The following DHX32 variants were observed in gnomAD, a reference collection of about 807,000 sequenced individuals.
DHX32 encodes putative pre-mRNA-splicing factor ATP-dependent RNA helicase DHX32.
DHX32 carries 51 observed loss-of-function variants against 70.0 expected under a neutral mutation model. That is an observed-to-expected ratio of 0.73 (90% CI 0.58 to 0.92). The LOEUF (loss-of-function observed/expected upper bound fraction) is 0.92, where lower values mean the gene tolerates loss of function less well. DHX32 is among the 40% of genes least tolerant of loss of function. The pLI, the probability that DHX32 is intolerant of heterozygous loss-of-function variation, is 0.00. For synonymous variants in DHX32, 310 were observed against 315.3 expected, an observed-to-expected ratio of 0.98 and a Z score of 0.18; for missense variants, 762 against 891.8, an observed-to-expected ratio of 0.85 and a Z score of 1.85.
At chr10:125,852,046 C>T (rs961129647) in intron 6 of DHX32, among the ~76,000 whole-genome samples, 5 of 152,198 alleles carry the variant, frequency 3.3e-5, no homozygotes, top group African/African-American at 7.2e-5. Flanking sequence ...CCCAGTTCCC[C>T]TGTGCTGCAG....
intron 3 of DHX32, among the ~76,000 whole-genome samples, chr10:125,857,874 T>C (rs1409112834): frequency 7.2e-6 from 1 of 138,912 alleles, no homozygotes; most frequent in Non-Finnish European, 1.6e-5. Flanking sequence ...GAAATGTATA[T>C]CCTGGTTTTT....
chr10:125,882,074 G>T (rs1212784643), upstream of DHX32, among the ~76,000 whole-genome samples: 1 of 152,188 alleles, frequency 6.6e-6, no homozygotes, highest in Non-Finnish European at 1.5e-5. Flanking sequence ...TAATTTAAAT[G>T]AAGAAGAGAA....
In DHX32 at chr10:125,878,147, G is replaced by GA. The variant is rs528248713; in HGVS notation, c.282+2395dup. ...TTAACTATCTAATGTTGGGGCTCAG[G>GA]ACATACCTCCCCAGAATATGACTGA... On this transcript the variant is annotated intron_variant, in intron 1 of 10. Transcript: ENST00000284690. 4.3e-3 allele frequency among the ~76,000 whole-genome samples: 654 copies of GA among 152,256 alleles called. 2 individuals are homozygous for GA. Among genetic ancestry groups the GA allele is most frequent in the Middle Eastern group, 0.01 (3 of 294 alleles).
rs778322541 is a variant in DHX32 at position 125,839,206 on chromosome 10, CA to C, written c.1694-19del. On this transcript the variant is annotated intron_variant, in intron 8 of 10. Coordinates refer to ENST00000284690, the MANE Select transcript of DHX32 (RefSeq NM_018180.3). ...CACACAGTCTAGGAGGGAAAGAACA[CA>C]AGGCTATTTAGAAATGATTTGTCAG... The C allele has an allele frequency of 6.2e-6, 10 of 1,610,082 alleles. No homozygotes were observed. The highest frequency in any genetic ancestry group is 8.5e-6 in the Non-Finnish European group (10 of 1,177,210).
chr10:125,889,952 C>A (rs1280599650), intron 1 of DHX32, among the ~76,000 whole-genome samples: 5 of 152,102 alleles, frequency 3.3e-5, no homozygotes, highest in Non-Finnish European at 4.4e-5. Flanking sequence ...TGTGGTAGAG[C>A]AGGTGCTTAA....
chr10:125,880,932 T>C lies in DHX32; in HGVS notation c.-108A>G. 1 of 1,316,542 alleles carries C rather than the reference T, an allele frequency of 7.6e-7. No homozygotes were observed. 81.6% of individuals were successfully genotyped at this position (1,316,542 alleles called of 1,614,324 possible). On this transcript the variant is annotated 5_prime_UTR_variant, in exon 1 of 11. Coordinates refer to ENST00000284690, the MANE Select transcript of DHX32 (RefSeq NM_018180.3). ...AGCCTATTTATACAAACCCGTATGT[T>C]CCAATCTCTAAGACTTCAGTTCAAG...
At chr10:125,849,314 G>A (rs898725860) in intron 6 of DHX32, among the ~76,000 whole-genome samples, 2 of 152,156 alleles carry the variant, frequency 1.3e-5, no homozygotes, top group African/African-American at 4.8e-5. Flanking sequence ...AGGCCCACAA[G>A]AGCCTAAAGG....
At chr10:125,845,324 T>C (rs1285424378) in intron 6 of DHX32, among the ~76,000 whole-genome samples, 3 of 152,358 alleles carry the variant, frequency 2.0e-5, no homozygotes, top group Admixed American at 2.0e-4. Context: ...ATCTTTGGCC[T>C]ACTTTCTGCC....
At chr10:125,874,117 A>G (rs941349463) in intron 1 of DHX32, among the ~76,000 whole-genome samples, 1 of 152,230 alleles carries the variant, frequency 6.6e-6, no homozygotes, top group Non-Finnish European at 1.5e-5. Flanking sequence ...CATATGGGAA[A>G]TTGTCCTCTG....
chr10:125,880,629 T>C lies in DHX32; in HGVS notation c.196A>G (p.Lys66Glu). 1.2e-6 allele frequency: 2 copies of C among 1,614,186 alleles called. No individual in the cohort carries two copies. The highest frequency in any genetic ancestry group is 1.7e-6 in the Non-Finnish European group (2 of 1,180,026). ...LKEREDLPIW[K>E]EKYSFMENLL... Reference sequence around the variant, plus strand: ...TTCTCCATAAAGGAGTATTTTTCTTTCCATATAGGAAGATCTTCTCTTTCT... The same window carrying C: ...TTCTCCATAAAGGAGTATTTTTCTTCCCATATAGGAAGATCTTCTCTTTCT... The change falls in exon 1 of 11, where the codon AAA (lysine) becomes GAA (glutamate). Residue 66 changes from lysine to glutamate, a missense_variant. By Grantham distance (56) the Lys-to-Glu change is moderately conservative. Transcript: ENST00000284690.
intron 6 of DHX32, among the ~76,000 whole-genome samples, chr10:125,850,255 G>C (rs1944072911): frequency 6.6e-6 from 1 of 151,614 alleles, no homozygotes; most frequent in Non-Finnish European, 1.5e-5. Context: ...CAGGATTACA[G>C]GTGTGAGCCA....
intron 1 of DHX32, among the ~76,000 whole-genome samples, chr10:125,876,015 T>C (rs1174295223): frequency 6.6e-6 from 1 of 152,202 alleles, no homozygotes; most frequent in Non-Finnish European, 1.5e-5. Context: ...ATCACTATTA[T>C]AGAACCTAAG....
chr10:125,895,125 A>AG, intron 1 of DHX32, among the ~76,000 whole-genome samples: 1 of 152,402 alleles, frequency 6.6e-6, no homozygotes, highest in African/African-American at 2.4e-5. Flanking sequence ...ATAGTCTGAG[A>AG]GGGGGAAAAC....
intron 1 of DHX32, among the ~76,000 whole-genome samples, chr10:125,868,053 A>C (rs1209003544): frequency 6.6e-6 from 1 of 152,228 alleles, no homozygotes; most frequent in Non-Finnish European, 1.5e-5. Context: ...CAATCTAAAT[A>C]TAATTAAATA....
At chr10:125,889,653 C>A (rs1219367089) in intron 1 of DHX32, among the ~76,000 whole-genome samples, 1 of 152,226 alleles carries the variant, frequency 6.6e-6, no homozygotes. Context: ...CACTGCAAAC[C>A]AGTAAGTCTG....
At chr10:125,890,709 A>G (rs1944365427) in intron 1 of DHX32, 1 of 152,284 alleles carries the variant, frequency 6.6e-6, no homozygotes, top group South Asian at 2.1e-4. Context: ...TGTATTGCAT[A>G]TTGGTTGAAT....
rs565172247 is a variant in DHX32 at position 125,867,028 on chromosome 10, G to A, written c.438C>T (p.Ile146=). ...CGTTGGTACAGCAGTTCTCGAAAGGGATCACGTAGCCAACCTCATGACCAA... is the reference window on the plus strand; with the variant it reads ...CGTTGGTACAGCAGTTCTCGAAAGGAATCACGTAGCCAACCTCATGACCAA... ...VNIGHEVGYV[I]PFENCCTNET... The change falls in exon 2 of 11, where the codon ATC becomes ATT. Residue 146 remains isoleucine (I), a synonymous_variant. Coordinates refer to ENST00000284690, the MANE Select transcript of DHX32 (RefSeq NM_018180.3). The A allele has an allele frequency of 1.1e-5, 18 of 1,614,188 alleles. No individual in the cohort carries two copies. In the African/African-American group the frequency reaches 2.3e-4, roughly 20 times the overall value.
chr10:125,845,455 AT>A (rs1437491899), intron 6 of DHX32, among the ~76,000 whole-genome samples: 1 of 152,224 alleles, frequency 6.6e-6, no homozygotes, highest in Non-Finnish European at 1.5e-5. Context: ...GTCTGCAATT[AT>A]TCCTGGGAAT....
Position 125,866,630 on chromosome 10 carries a change from G to A in DHX32, c.476+360C>T, listed in dbSNP as rs866089682. On this transcript the variant is annotated intron_variant, in intron 2 of 10. Transcript: ENST00000284690. This position sits in a 1 kb window ranked among gnomAD's most constrained non-coding sequence, Gnocchi z 4.8. ...AGGGGCAGGTGTACAGGCACAGGGT[G>A]TGGAAAGCACAGGGCACACAGTGTG... is the stretch of plus-strand genomic sequence containing the variant. Among the ~76,000 whole-genome samples the A allele has an allele frequency of 1.3e-5, 2 of 152,260 alleles. No individual in the cohort carries two copies. Among genetic ancestry groups the A allele is most frequent in the Non-Finnish European group, 2.9e-5 (2 of 68,044 alleles).
Sources: gnomAD v4.1 joint callset for allele counts (sites outside exome capture counted in the v4.1 genomes callset) on GRCh38, gnomAD v4.1.1 for gene constraint, Gnocchi (gnomAD v3.1) non-coding constraint, MANE v1.5 for transcripts, NCBI Gene and HGNC (gene_info 2026-07-23, HGNC 2026-07-21) for gene names.